The following SLCO1B1 variants were observed in gnomAD, a reference collection of about 807,000 sequenced individuals.
SLCO1B1 encodes the protein OATP-2.
SLCO1B1 carries 81 observed loss-of-function variants against 70.1 expected under a neutral mutation model. The observed-to-expected ratio is 1.16, with a 90% CI of 0.97 to 1.39. The LOEUF (loss-of-function observed/expected upper bound fraction) is 1.39. SLCO1B1 is among the 40% of genes most tolerant of loss of function. The pLI is 0.00. For missense variants in SLCO1B1, 895 were observed against 799.6 expected (o/e 1.12, Z -1.44); for synonymous variants, 283 against 271.5 (o/e 1.04, Z -0.42).
At chr12:21,151,135 G>A (rs1419351506) in intron 2 of SLCO1B1, among the ~76,000 whole-genome samples, 1 of 152,124 alleles carries the variant, frequency 6.6e-6, no homozygotes, top group Non-Finnish European at 1.5e-5. Context: ...CATTATTGTA[G>A]TTTACTAAAT....
intron 2 of SLCO1B1, among the ~76,000 whole-genome samples, chr12:21,161,014 T>C (rs1940611677): frequency 6.6e-6 from 1 of 152,142 alleles, no homozygotes; most frequent in Non-Finnish European, 1.5e-5. Flanking sequence ...AACTAACAGA[T>C]GCCTGGCAAG....
At position 21,138,601 on chromosome 12, in the gene SLCO1B1, T is replaced by C. The variant is rs939757899; in HGVS notation, c.-61-2913T>C. On this transcript the variant is annotated intron_variant, in intron 1 of 14. Transcript: ENST00000256958. ...TTTTCCTGAATATTTTATCTGAAGATCTAGGAGAGAGATGTGAAATAGTAT... is the reference window on the plus strand; with the variant it reads ...TTTTCCTGAATATTTTATCTGAAGACCTAGGAGAGAGATGTGAAATAGTAT... 7.2e-5 allele frequency among the ~76,000 whole-genome samples: 11 copies of C among 152,218 alleles called. No individual in the cohort carries two copies. In the East Asian group the frequency reaches 1.7e-3, roughly 24 times the overall value.
chr12:21,176,698 A>C, intron 4 of SLCO1B1, 78 bp from the exon 5 acceptor site: 2 of 1,147,444 alleles, frequency 1.7e-6, no homozygotes, highest in Non-Finnish European at 2.6e-6. Context: ...ATAAAGGGGA[A>C]TATTTCTCTG....
intron 11 of SLCO1B1, among the ~76,000 whole-genome samples, chr12:21,214,582 G>A (rs1015666891): frequency 4.7e-5 from 7 of 149,150 alleles, no homozygotes; most frequent in Admixed American, 2.7e-4. Context: ...AGCTGTGGTG[G>A]GCTCCGCCCA....
chr12:21,161,673 G>A (rs555847809), intron 2 of SLCO1B1, among the ~76,000 whole-genome samples: 1 of 151,914 alleles, frequency 6.6e-6, no homozygotes, highest in South Asian at 2.1e-4. Flanking sequence ...ATAAAAGTTA[G>A]AAAGAAAATA....
intron 2 of SLCO1B1, among the ~76,000 whole-genome samples, chr12:21,155,762 A>G (rs938301095): frequency 1.3e-5 from 2 of 152,154 alleles, no homozygotes; most frequent in Non-Finnish European, 2.9e-5. Flanking sequence ...TTCTTTATCC[A>G]TGGCTCCCTC....
Position 21,200,552 on chromosome 12 carries a change from G to C in SLCO1B1, c.1015G>C (p.Val339Leu), listed in dbSNP as rs758315826. ...AAGCATCCTTACTAATCCCCTGTAT[G>C]TTATGTTTGTGCTTTTGACGTTGTT... is the stretch of plus-strand genomic sequence containing the variant. ...FKSILTNPLY[V>L]MFVLLTLLQV... Residue 339 changes from valine (V) to leucine (L), a missense_variant, in exon 9 of 15, where the codon GTT (valine) becomes CTT (leucine). Coordinates refer to ENST00000256958, the MANE Select transcript of SLCO1B1 (RefSeq NM_006446.5). 11 of 1,604,874 alleles carry C rather than the reference G, an allele frequency of 6.9e-6. No individual in the cohort carries two copies. In the Admixed American group the frequency reaches 1.9e-4, roughly 27 times the overall value.
At chr12:21,173,995 G>A (rs1296413055) in intron 3 of SLCO1B1, among the ~76,000 whole-genome samples, 1 of 152,018 alleles carries the variant, frequency 6.6e-6, no homozygotes, top group Admixed American at 6.6e-5. Context: ...CTGACCTCGT[G>A]ATCCACCCAC....
intron 11 of SLCO1B1, among the ~76,000 whole-genome samples, chr12:21,209,777 T>A (rs372609666): frequency 1.6e-4 from 24 of 150,870 alleles, no homozygotes; most frequent in Admixed American, 3.3e-4. Flanking sequence ...GGTATCTCAT[T>A]GTGGTTTTGA....
At chr12:21,133,843 G>T (rs1940176453) in intron 1 of SLCO1B1, among the ~76,000 whole-genome samples, 1 of 152,044 alleles carries the variant, frequency 6.6e-6, no homozygotes, top group African/African-American at 2.4e-5. Context: ...CTGCCTGATT[G>T]CCCTGGCCAG....
intron 7 of SLCO1B1, among the ~76,000 whole-genome samples, chr12:21,194,081 G>T (rs1050359731): frequency 6.6e-6 from 1 of 152,164 alleles, no homozygotes; most frequent in Non-Finnish European, 1.5e-5. Context: ...GTGAGCCACC[G>T]TGCCCGGCCA....
At chr12:21,131,885 A>G (rs1477806188) in intron 1 of SLCO1B1, among the ~76,000 whole-genome samples, 1 of 151,964 alleles carries the variant, frequency 6.6e-6, no homozygotes, top group Non-Finnish European at 1.5e-5. Context: ...TGTGCACAAC[A>G]TGCAGGTTTG....
chr12:21,138,182 C>T (rs1240351279), intron 1 of SLCO1B1, among the ~76,000 whole-genome samples: 1 of 152,120 alleles, frequency 6.6e-6, no homozygotes, highest in Non-Finnish European at 1.5e-5. Context: ...TGCATAAGTA[C>T]ATGGTAGAAA....
chr12:21,206,139 AAG>A, intron 11 of SLCO1B1, 106 bp downstream of exon 11: 1 of 962,402 alleles, frequency 1.0e-6, no homozygotes, highest in Non-Finnish European at 1.6e-6. Context: ...AAAAAGATAA[AAG>A]AGAAAGTTTC....
At chr12:21,236,075 G>A (rs1332384594) in intron 14 of SLCO1B1, among the ~76,000 whole-genome samples, 5 of 152,176 alleles carry the variant, frequency 3.3e-5, no homozygotes, top group Admixed American at 3.3e-4. Flanking sequence ...AGTATGTTTT[G>A]TATAGTATCT....
At chr12:21,141,866 T>A (rs75924117) in intron 2 of SLCO1B1, among the ~76,000 whole-genome samples, 1,809 of 152,022 alleles carry the variant, frequency 0.012, 46 homozygotes, top group African/African-American at 0.041. Context: ...TTTTGATGCT[T>A]AATAGTTTAT....
intron 3 of SLCO1B1, among the ~76,000 whole-genome samples, chr12:21,173,133 T>C (rs1003227400): frequency 5.3e-5 from 8 of 152,202 alleles, no homozygotes; most frequent in Admixed American, 2.6e-4. Context: ...TCTCTCAAGA[T>C]GAAGAAACTT....
intron 14 of SLCO1B1, among the ~76,000 whole-genome samples, chr12:21,226,400 C>T (rs960932676): frequency 2.7e-5 from 4 of 149,504 alleles, no homozygotes; most frequent in Non-Finnish European, 4.4e-5. Context: ...GCTGACAGAG[C>T]GAGACTCTGT....
At chr12:21,220,128 ATAATT>A (rs1278321268) in intron 12 of SLCO1B1, among the ~76,000 whole-genome samples, 2 of 152,212 alleles carry the variant, frequency 1.3e-5, no homozygotes, top group African/African-American at 4.8e-5. Flanking sequence ...TGTGAGAAAG[ATAATT>A]TAAGGATAAT....
Sources: allele counts gnomAD v4.1 joint callset (sites outside exome capture counted in the v4.1 genomes callset), GRCh38; gene constraint gnomAD v4.1.1; transcripts MANE v1.5; gene names NCBI Gene and HGNC (gene_info 2026-07-23, HGNC 2026-07-21).